IL1RAPL1: variants seen among roughly 807,000 people sequenced by gnomAD.
IL1RAPL1 encodes interleukin 1 receptor accessory protein like 1.
Under a neutral mutation model 48.4 loss-of-function variants are expected in IL1RAPL1, and 3 were observed. The observed-to-expected ratio is 0.06, with a 90% confidence interval of 0.03 to 0.16. The LOEUF is 0.16. IL1RAPL1 is among the 10% of genes least tolerant of loss of function. The probability of loss-of-function intolerance (pLI) is 1.00; values close to 1 mark genes in which losing one functional copy is unlikely to be tolerated. For missense variants in IL1RAPL1, 349 were observed against 530.6 expected, an observed-to-expected ratio of 0.66 and a Z score of 3.36; for synonymous variants, 185 against 187.7, an observed-to-expected ratio of 0.99 and a Z score of 0.12.
At chrX:29,008,737 T>C (rs1431351249) in intron 2 of IL1RAPL1, among the ~76,000 whole-genome samples, 1 of 111,041 alleles carries the variant, frequency 9.0e-6, no homozygotes, top group Non-Finnish European at 1.9e-5. Flanking sequence ...TATTGTATGA[T>C]GCTGCAGCTT....
intron 5 of IL1RAPL1, among the ~76,000 whole-genome samples, chrX:29,533,097 G>A (rs1316273151): frequency 1.8e-5 from 2 of 112,248 alleles, no homozygotes; most frequent in African/African-American, 3.2e-5. Flanking sequence ...TGTTTTTAAA[G>A]TGCTTCACTG....
chrX:29,226,155 T>C (rs954698249), intron 2 of IL1RAPL1, among the ~76,000 whole-genome samples: 2 of 111,936 alleles, frequency 1.8e-5, no homozygotes, highest in Admixed American at 1.9e-4. Flanking sequence ...GTATTTGAAA[T>C]GGTCAATACC....
intron 2 of IL1RAPL1, among the ~76,000 whole-genome samples, chrX:29,216,854 C>T (rs1333791791): frequency 1.8e-5 from 2 of 111,729 alleles, no homozygotes; most frequent in Non-Finnish European, 3.8e-5. Flanking sequence ...ATGGTAGTAC[C>T]AGTTCCTCTG....
At chrX:29,213,801 T>C (rs576110939) in intron 2 of IL1RAPL1, among the ~76,000 whole-genome samples, 3 of 112,415 alleles carry the variant, frequency 2.7e-5, no homozygotes, top group South Asian at 7.4e-4. Context: ...AATTCAAGCG[T>C]AACTTCCCCC....
chrX:29,887,781 A>C (rs2147219234), intron 6 of IL1RAPL1, among the ~76,000 whole-genome samples: 1 of 111,425 alleles, frequency 9.0e-6, no homozygotes, highest in South Asian at 3.8e-4. Flanking sequence ...TAGTTTAATA[A>C]GTTCGTCCTC....
At chrX:28,718,174 A>G (rs1306983442) in intron 1 of IL1RAPL1, among the ~76,000 whole-genome samples, 9 of 111,455 alleles carry the variant, frequency 8.1e-5, no homozygotes, top group Non-Finnish European at 5.7e-5. Flanking sequence ...TATGCCTGGT[A>G]TAGTTGTAGG....
At chrX:29,665,598 T>C (rs779731276) in intron 5 of IL1RAPL1, among the ~76,000 whole-genome samples, 4 of 111,428 alleles carry the variant, frequency 3.6e-5, no homozygotes, top group Non-Finnish European at 7.5e-5. Context: ...GCAAAATTGG[T>C]CACCCTCAAG....
At chrX:29,380,280 T>G (rs910113595) in intron 3 of IL1RAPL1, among the ~76,000 whole-genome samples, 1 of 112,052 alleles carries the variant, frequency 8.9e-6, no homozygotes, top group African/African-American at 3.2e-5. Context: ...CAGGCTGGAG[T>G]GCAATGGCAC....
chrX:29,452,174 A>G (rs965006645), intron 5 of IL1RAPL1, among the ~76,000 whole-genome samples: 1 of 112,219 alleles, frequency 8.9e-6, no homozygotes, highest in African/African-American at 3.2e-5. Flanking sequence ...GCAGAATTAT[A>G]TTTACTTTTC....
chrX:29,425,329 C>T (rs1000146937), intron 5 of IL1RAPL1, among the ~76,000 whole-genome samples: 9 of 111,446 alleles, frequency 8.1e-5, no homozygotes, highest in African/African-American at 2.9e-4. Flanking sequence ...AGCAGAGTGG[C>T]GATAACAGGA....
chrX:29,099,148 G>A (rs1195324360), intron 2 of IL1RAPL1, among the ~76,000 whole-genome samples: 1 of 99,346 alleles, frequency 1.0e-5, no homozygotes, highest in Non-Finnish European at 2.0e-5. Context: ...GTGAAACTGC[G>A]TCTCAAACAA....
At chrX:29,570,096 C>T (rs1282837122) in intron 5 of IL1RAPL1, among the ~76,000 whole-genome samples, 2 of 111,919 alleles carry the variant, frequency 1.8e-5, no homozygotes, top group Non-Finnish European at 3.8e-5. Context: ...CCTCATCAGA[C>T]GGATGCATTC....
intron 2 of IL1RAPL1, among the ~76,000 whole-genome samples, chrX:29,221,007 C>T (rs1201116791): frequency 1.8e-5 from 2 of 111,048 alleles, no homozygotes; most frequent in East Asian, 2.8e-4. Flanking sequence ...GCAACCTCCA[C>T]CTACCGGGTT....
intron 6 of IL1RAPL1, among the ~76,000 whole-genome samples, chrX:29,731,985 G>A (rs1405269988): frequency 8.9e-6 from 1 of 111,932 alleles, no homozygotes; most frequent in Non-Finnish European, 1.9e-5. Flanking sequence ...CTTTCCTTCA[G>A]CTAATGAACC....
chrX:29,251,535 A>G (rs1419492025), intron 2 of IL1RAPL1, among the ~76,000 whole-genome samples: 1 of 111,557 alleles, frequency 9.0e-6, no homozygotes, highest in African/African-American at 3.3e-5. Flanking sequence ...GTCTACATAG[A>G]TATAGATTAT....
At chrX:29,505,590 T>C (rs1030549369) in intron 5 of IL1RAPL1, among the ~76,000 whole-genome samples, 19 of 111,126 alleles carry the variant, frequency 1.7e-4, no homozygotes, top group African/African-American at 5.9e-4. Context: ...CCTGTCCTTA[T>C]TGAGAAGTCT....
chrX:29,344,726 C>T (rs1458669253), intron 3 of IL1RAPL1, among the ~76,000 whole-genome samples: 2 of 111,993 alleles, frequency 1.8e-5, no homozygotes, highest in Non-Finnish European at 3.8e-5. Context: ...CAACCTCCAC[C>T]TCCCTGGTTC....
intron 8 of IL1RAPL1, among the ~76,000 whole-genome samples, chrX:29,934,922 T>C (rs890927284): frequency 8.9e-6 from 1 of 111,893 alleles, no homozygotes; most frequent in Non-Finnish European, 1.9e-5. Flanking sequence ...ATATTTACCA[T>C]CTAGGATAAT....
intron 1 of IL1RAPL1, among the ~76,000 whole-genome samples, chrX:28,607,624 T>A (rs1294004698): frequency 1.8e-5 from 2 of 111,315 alleles, no homozygotes; most frequent in Admixed American, 1.9e-4. Flanking sequence ...ATGTTGTAAG[T>A]TTTCCTCTAA....
Sources: gnomAD v4.1 joint callset for allele counts (sites outside exome capture counted in the v4.1 genomes callset) on GRCh38, gnomAD v4.1.1 for gene constraint, MANE v1.5 for transcripts, NCBI Gene and HGNC (gene_info 2026-07-23, HGNC 2026-07-21) for gene names.